Variants in FLACC1 observed in about 807,000 individuals in gnomAD.
FLACC1 encodes the protein flagellum associated containing coiled-coil domains 1.
A neutral mutation model predicts 62.8 loss-of-function variants in FLACC1; 66 were observed. The ratio of observed to expected loss-of-function variants is 1.05; its 90% confidence interval spans 0.86 to 1.29. The LOEUF is 1.29. Ranked by LOEUF, FLACC1 falls within the 50% of genes most tolerant of loss-of-function variation. The probability of loss-of-function intolerance (pLI) is 0.00; values close to 1 mark genes in which losing one functional copy is unlikely to be tolerated. For missense variants in FLACC1, 452 were observed against 489.1 expected, an observed-to-expected ratio of 0.92 and a Z score of 0.71; for synonymous variants, 156 against 161.0, an observed-to-expected ratio of 0.97 and a Z score of 0.24.
At chr2:201,299,334 T>G (rs759794883) in intron 11 of FLACC1, 34 bp from the exon 12 acceptor site, 1 of 1,581,518 alleles carries the variant, frequency 6.3e-7, no homozygotes, top group Non-Finnish European at 8.7e-7. Flanking sequence ...AGGTTAGCAC[T>G]GTGGTTCTGG....
intron 12 of FLACC1, among the ~76,000 whole-genome samples, chr2:201,298,904 A>C (rs1470330382): frequency 6.6e-6 from 1 of 152,234 alleles, no homozygotes; most frequent in Non-Finnish European, 1.5e-5. Context: ...TATACTTTTC[A>C]GAGCTCAAAG....
intron 7 of FLACC1, among the ~76,000 whole-genome samples, chr2:201,341,199 A>G (rs1200541630): frequency 6.6e-6 from 1 of 152,104 alleles, no homozygotes; most frequent in Non-Finnish European, 1.5e-5. Flanking sequence ...TCTATAGATA[A>G]ATAAATGTGT....
At chr2:201,337,602 C>A (rs1950720524) in intron 7 of FLACC1, among the ~76,000 whole-genome samples, 1 of 152,148 alleles carries the variant, frequency 6.6e-6, no homozygotes, top group Non-Finnish European at 1.5e-5. Context: ...TAGCTCACTG[C>A]AGCCTTGACC....
intron 7 of FLACC1, among the ~76,000 whole-genome samples, chr2:201,335,510 T>C (rs1008621141): frequency 1.3e-5 from 2 of 152,170 alleles, no homozygotes; most frequent in African/African-American, 2.4e-5. Flanking sequence ...AATTTATTTA[T>C]AGGCCTCTAT....
At chr2:201,330,591 A>T in intron 8 of FLACC1, 69 bp from the exon 9 acceptor site, 1 of 1,560,236 alleles carries the variant, frequency 6.4e-7, no homozygotes, top group Non-Finnish European at 8.8e-7. Flanking sequence ...TTCAAATGTG[A>T]GTTCTTCTGC....
intron 6 of FLACC1, 54 bp from the exon 7 acceptor site, chr2:201,342,485 G>C: frequency 3.8e-6 from 6 of 1,566,670 alleles, no homozygotes; most frequent in Non-Finnish European, 5.3e-6. Flanking sequence ...GTCCCATTCT[G>C]ATCTGCACCT....
Position 201,298,954 on chromosome 2 carries a change from GT to G in FLACC1, c.942+283del, listed in dbSNP as rs796464963. On this transcript the variant is annotated intron_variant, in intron 12 of 14. Transcript: ENST00000392257. The stretch of plus-strand genomic sequence containing the variant: ...TTTTATAACTGAAAGATCATTTGTG[GT>G]TTGAACCTTGCTAGAAATGAAAGTC... Among the ~76,000 whole-genome samples the G allele has an allele frequency of 9.8e-5, 15 of 152,318 alleles. No individual in the cohort carries two copies. The East Asian group carries it at 1.7e-3, about 18-fold the overall frequency.
chr2:201,343,919 A>G (rs1453772623), intron 6 of FLACC1, among the ~76,000 whole-genome samples: 1 of 152,232 alleles, frequency 6.6e-6, no homozygotes, highest in Non-Finnish European at 1.5e-5. Flanking sequence ...CTGCACACAC[A>G]CAGAGGTACT....
In FLACC1 at chr2:201,326,363, A is replaced by G. The variant is rs1303698058; in HGVS notation, c.675+4107T>C. Among the ~76,000 whole-genome samples, 1 of 152,226 alleles carries G rather than the reference A, an allele frequency of 6.6e-6. No homozygotes were observed. The highest frequency in any genetic ancestry group is 1.9e-4 in the East Asian group (1 of 5,206). ...AGAAATAAAGGGCGTCCAAATTGGA[A>G]AAGAAGAAGTCAAACTATTGCTGTT... On this transcript the variant is annotated intron_variant, in intron 9 of 14. Coordinates refer to ENST00000392257, the MANE Select transcript of FLACC1 (RefSeq NM_001127391.3). The surrounding 1 kb of genome is among the most constrained non-coding windows in gnomAD (Gnocchi z 4.1).
chr2:201,330,489 T>C lies in FLACC1; in HGVS notation c.656A>G (p.Asn219Ser). 7 of 1,613,912 alleles carry C rather than the reference T, an allele frequency of 4.3e-6. No individual in the cohort carries two copies. The highest frequency in any genetic ancestry group is 5.9e-6 in the Non-Finnish European group (7 of 1,179,922). The change falls in exon 9 of 15, where the codon AAT (asparagine) becomes AGT (serine). Residue 219 changes from asparagine (N) to serine (S), a missense_variant. Physicochemically the swap from Asn to Ser is conservative, Grantham distance 46. Transcript: ENST00000392257. ...TCTCACCTGATACGTACGAAACATA[T>C]TCTTCAAATACTTGTATTCTTTTCC... ...EMGKEYKYLK[N>S]MFRTYQDSIY...
chr2:201,357,567 CAA>C (rs1951140219), upstream of FLACC1, among the ~76,000 whole-genome samples: 2 of 152,114 alleles, frequency 1.3e-5, 1 homozygote, highest in South Asian at 4.1e-4. Flanking sequence ...AGTCATGGGA[CAA>C]AAAAGTTTAA....
chr2:201,348,159 G>T, intron 4 of FLACC1, 95 bp downstream of exon 4: 1 of 1,247,640 alleles, frequency 8.0e-7, no homozygotes, highest in South Asian at 1.5e-5. Flanking sequence ...GTGAAGATTC[G>T]ACAAGGTAAG....
intron 1 of FLACC1, among the ~76,000 whole-genome samples, chr2:201,355,103 G>C (rs1559425695): frequency 6.6e-6 from 1 of 152,000 alleles, no homozygotes; most frequent in Admixed American, 6.6e-5. Flanking sequence ...TAGCCAACAG[G>C]GCGAAACCCC....
At chr2:201,350,945 G>A (rs1951016042) in intron 2 of FLACC1, among the ~76,000 whole-genome samples, 163 bp from the exon 3 acceptor site, 1 of 152,192 alleles carries the variant, frequency 6.6e-6, no homozygotes, top group South Asian at 2.1e-4. Flanking sequence ...CAGGCCCAAG[G>A]CCCTGGCACT....
At chr2:201,342,526 G>A (rs1363253399) in intron 6 of FLACC1, 95 bp from the exon 7 acceptor site, 4 of 1,257,356 alleles carry the variant, frequency 3.2e-6, no homozygotes, top group Admixed American at 3.6e-5. Flanking sequence ...ATGGGGCACA[G>A]CCGCCTTCCA....
At chr2:201,295,892 G>A (rs1949850015) in intron 12 of FLACC1, among the ~76,000 whole-genome samples, 1 of 152,166 alleles carries the variant, frequency 6.6e-6, no homozygotes, top group Non-Finnish European at 1.5e-5. Flanking sequence ...CATTTATGCA[G>A]CCAAAAGACA....
intron 11 of FLACC1, among the ~76,000 whole-genome samples, chr2:201,307,080 C>T (rs1337489695): frequency 1.3e-5 from 2 of 151,988 alleles, no homozygotes; most frequent in Non-Finnish European, 2.9e-5. Flanking sequence ...ATCTAAGATG[C>T]AAGAAAAAAA....
At chr2:201,304,140 G>C (rs1950051069) in intron 11 of FLACC1, among the ~76,000 whole-genome samples, 2 of 152,180 alleles carry the variant, frequency 1.3e-5, no homozygotes, top group African/African-American at 2.4e-5. Context: ...AAGTCAAATT[G>C]TCCCTGTTTG....
At position 201,288,444 on chromosome 2, in the gene FLACC1, A is replaced by G; in HGVS notation, c.*211T>C. 2.1e-6 allele frequency: 1 copy of G among 477,482 alleles called. No homozygotes were observed. Among genetic ancestry groups the G allele is most frequent in the South Asian group, 5.0e-5 (1 of 19,864 alleles). 29.6% of individuals were successfully genotyped at this position (477,482 alleles called of 1,614,324 possible). A position where few individuals can be genotyped will look rare whatever the true frequency, so the allele number is the denominator to read the frequency against. On this transcript the variant is annotated 3_prime_UTR_variant, in exon 15 of 15. Transcript: ENST00000392257. Reference sequence around the variant, plus strand: ...AAAACTCAGAGAAAGCTCAGCTCCCAGTATGGAGAGCATCATTTTTCAGTG... The same window carrying G: ...AAAACTCAGAGAAAGCTCAGCTCCCGGTATGGAGAGCATCATTTTTCAGTG...
Sources: gnomAD v4.1 joint callset for allele counts (sites outside exome capture counted in the v4.1 genomes callset) on GRCh38, gnomAD v4.1.1 for gene constraint, Gnocchi (gnomAD v3.1) non-coding constraint, MANE v1.5 for transcripts, NCBI Gene and HGNC (gene_info 2026-07-23, HGNC 2026-07-21) for gene names.